Variants in GYPE observed in about 807,000 individuals in gnomAD.
GYPE encodes the protein glycophorin-E.
A neutral mutation model predicts 11.6 loss-of-function variants in GYPE; 8 were observed. The observed-to-expected ratio is 0.69, with a 90% CI of 0.41 to 1.25. The LOEUF (loss-of-function observed/expected upper bound fraction) is 1.25, where lower values mean the gene tolerates loss of function less well. GYPE is among the 50% of genes most tolerant of loss of function. GYPE has a pLI of 0.01. For synonymous variants in GYPE, 28 were observed against 29.6 expected (o/e 0.94, Z 0.18); for missense variants, 90 against 92.8 (o/e 0.97, Z 0.12).
chr4:143,891,433 A>C (rs1197530208), intron 1 of GYPE, among the ~76,000 whole-genome samples: 1 of 143,540 alleles, frequency 7.0e-6, no homozygotes, highest in Non-Finnish European at 1.5e-5. Flanking sequence ...GGTTCACTCC[A>C]TTCTCCTGCC....
At chr4:143,874,998 C>T (rs1307535897) in intron 3 of GYPE, among the ~76,000 whole-genome samples, 4 of 152,174 alleles carry the variant, frequency 2.6e-5, no homozygotes, top group Middle Eastern at 3.2e-3. Context: ...TTGAATAGAA[C>T]TTGGTCCTTG....
chr4:143,896,854 G>GT (rs1242690579), intron 1 of GYPE, among the ~76,000 whole-genome samples: 1 of 152,156 alleles, frequency 6.6e-6, no homozygotes. Context: ...CATGTCCTTT[G>GT]TAGGGACATG....
chr4:143,872,390 G>T (rs1241529769), intron 3 of GYPE, 138 bp from the exon 4 acceptor site: 1 of 152,486 alleles, frequency 6.6e-6, no homozygotes, highest in Non-Finnish European at 1.5e-5. Flanking sequence ...AATAGGAAAA[G>T]TATATTCCAT....
In GYPE at chr4:143,871,151, C is replaced by G. The variant is rs1018782734; in HGVS notation, c.*1111G>C. 6.6e-6 allele frequency: 1 copy of G among 151,508 alleles called. No individual in the cohort carries two copies. Among genetic ancestry groups the G allele is most frequent in the Non-Finnish European group, 1.5e-5 (1 of 68,030 alleles). 9.4% of individuals were successfully genotyped at this position (151,508 alleles called of 1,614,324 possible). ...TGACATGTGGGGATTATTGGAACTACAATTCAAGATGAGATTTGAGTGGGA... is the reference window on the plus strand; with the variant it reads ...TGACATGTGGGGATTATTGGAACTAGAATTCAAGATGAGATTTGAGTGGGA... On this transcript the variant is annotated 3_prime_UTR_variant, in exon 4 of 4. Transcript: ENST00000358615.
intron 1 of GYPE, among the ~76,000 whole-genome samples, chr4:143,882,369 C>T (rs1482908792): frequency 6.6e-6 from 1 of 151,822 alleles, no homozygotes; most frequent in African/African-American, 2.4e-5. Flanking sequence ...AAATTATTTA[C>T]AAAGATAACT....
At chr4:143,891,833 C>T (rs1271111888) in intron 1 of GYPE, among the ~76,000 whole-genome samples, 1 of 152,046 alleles carries the variant, frequency 6.6e-6, no homozygotes, top group Non-Finnish European at 1.5e-5. Context: ...TGGTGCATTC[C>T]TCTAGTAATG....
At chr4:143,904,606 T>C (rs1018522325) in intron 1 of GYPE, among the ~76,000 whole-genome samples, 1 of 152,096 alleles carries the variant, frequency 6.6e-6, no homozygotes, top group Non-Finnish European at 1.5e-5. Context: ...GTAGATCCTC[T>C]CTTCCCTGTA....
chr4:143,875,697 C>A (rs1429029725), intron 3 of GYPE, among the ~76,000 whole-genome samples: 1 of 152,082 alleles, frequency 6.6e-6, no homozygotes, highest in Non-Finnish European at 1.5e-5. Flanking sequence ...GGGCCAGGCG[C>A]AGTGGCTCAC....
intron 1 of GYPE, among the ~76,000 whole-genome samples, chr4:143,900,349 T>G (rs1246771682): frequency 4.0e-5 from 5 of 125,638 alleles, no homozygotes; most frequent in African/African-American, 1.4e-4. Context: ...GGTGAAAAGG[T>G]CAAAAGGTGC....
intron 1 of GYPE, among the ~76,000 whole-genome samples, chr4:143,881,487 T>A (rs2149907022): frequency 1.3e-5 from 2 of 152,248 alleles, no homozygotes; most frequent in South Asian, 4.2e-4. Flanking sequence ...TTGACACATT[T>A]TGATATATAG....
chr4:143,898,972 T>A (rs1426779176), intron 1 of GYPE, among the ~76,000 whole-genome samples: 20 of 144,074 alleles, frequency 1.4e-4, no homozygotes, highest in African/African-American at 4.9e-4. Flanking sequence ...TGTATTTATT[T>A]CCTTCTATTT....
At chr4:143,888,185 C>T (rs1475633219) in intron 1 of GYPE, among the ~76,000 whole-genome samples, 2 of 95,700 alleles carry the variant, frequency 2.1e-5, no homozygotes, top group Non-Finnish European at 4.2e-5. Flanking sequence ...GCTTTATCTA[C>T]CAGACCACTC....
chr4:143,897,606 A>G (rs2149915292), intron 1 of GYPE, among the ~76,000 whole-genome samples: 1 of 152,316 alleles, frequency 6.6e-6, no homozygotes, highest in East Asian at 1.9e-4. Context: ...TGTAGTGCAC[A>G]TTAACAGTGT....
At chr4:143,903,263 C>T (rs1744933341) in intron 1 of GYPE, among the ~76,000 whole-genome samples, 1 of 151,172 alleles carries the variant, frequency 6.6e-6, no homozygotes. Flanking sequence ...TCCCTCCCAC[C>T]ATCCACTGTG....
In GYPE at chr4:143,879,412, T is replaced by C. The variant is rs1264269076; in HGVS notation, c.136+999A>G. ...GTATATTTTTTCATTCTTTAGGCTT[T>C]ACGTACAAAGGTTAATTGGGGCTTT... On this transcript the variant is annotated intron_variant, in intron 2 of 3. Transcript: ENST00000358615. 5.3e-5 allele frequency among the ~76,000 whole-genome samples: 8 copies of C among 152,328 alleles called. No individual in the cohort carries two copies. In the East Asian group the frequency reaches 1.5e-3, roughly 29 times the overall value.
intron 1 of GYPE, 87 bp from the exon 2 acceptor site, chr4:143,880,596 C>T (rs1026316189): frequency 1.9e-6 from 3 of 1,601,496 alleles, no homozygotes; most frequent in Non-Finnish European, 1.7e-6. Flanking sequence ...AATTCCCTCA[C>T]ATCCCTCCAG....
chr4:143,897,690 C>T (rs1744703020), intron 1 of GYPE, among the ~76,000 whole-genome samples: 1 of 152,076 alleles, frequency 6.6e-6, no homozygotes, highest in Admixed American at 6.5e-5. Context: ...GCTGCCAGAT[C>T]AATAGCATAT....
chr4:143,875,700 T>G (rs189174618), intron 3 of GYPE, among the ~76,000 whole-genome samples: 1 of 152,264 alleles, frequency 6.6e-6, no homozygotes, highest in Admixed American at 6.5e-5. Context: ...CCAGGCGCAG[T>G]GGCTCACATC....
chr4:143,885,407 G>A (rs2323424), intron 1 of GYPE, among the ~76,000 whole-genome samples: 1 of 152,096 alleles, frequency 6.6e-6, no homozygotes, highest in African/African-American at 2.4e-5. Context: ...CTAGCAAATA[G>A]GTAGACTTCT....
Sources: allele counts gnomAD v4.1 joint callset (sites outside exome capture counted in the v4.1 genomes callset), GRCh38; gene constraint gnomAD v4.1.1; transcripts MANE v1.5; gene names NCBI Gene and HGNC (gene_info 2026-07-23, HGNC 2026-07-21).